The following CDH7 variants were observed in gnomAD, a reference collection of about 807,000 sequenced individuals.
CDH7 encodes cadherin-7.
Under a neutral mutation model 71.8 loss-of-function variants are expected in CDH7, and 25 were observed. The ratio of observed to expected loss-of-function variants is 0.35; its 90% CI spans 0.25 to 0.49. CDH7 has a LOEUF of 0.49. Among genes scored for constraint, CDH7 ranks in the 20% least tolerant of loss-of-function variants. The pLI is 0.99. For synonymous variants in CDH7, 381 were observed against 363.8 expected (o/e 1.05, Z -0.54); for missense variants, 862 against 974.6 (o/e 0.88, Z 1.54).
At chr18:65,791,574 G>T (rs908877236) in intron 2 of CDH7, among the ~76,000 whole-genome samples, 1 of 152,014 alleles carries the variant, frequency 6.6e-6, no homozygotes, top group South Asian at 2.1e-4. Context: ...TTCCACTCTG[G>T]GCCATTCTCT....
rs1599073411 is a variant in CDH7 at position 65,883,027 on chromosome 18, C to G, written c.*2133C>G. 6.6e-6 allele frequency: 1 copy of G among 152,206 alleles called. No individual in the cohort carries two copies. The highest frequency in any genetic ancestry group is 1.9e-4 in the East Asian group (1 of 5,178). 9.4% of individuals were successfully genotyped at this position (152,206 alleles called of 1,614,324 possible). On this transcript the variant is annotated 3_prime_UTR_variant, in exon 12 of 12. Coordinates refer to ENST00000397968, the MANE Select transcript of CDH7 (RefSeq NM_004361.5). The stretch of plus-strand genomic sequence containing the variant: ...GTGGATGTATTTTAGAAAAGGAACA[C>G]ACATCATTCACCCTGCTTTTTCTGC...
chr18:65,807,095 G>A (rs1251024831), intron 2 of CDH7, among the ~76,000 whole-genome samples: 1 of 151,896 alleles, frequency 6.6e-6, no homozygotes, highest in East Asian at 1.9e-4. Flanking sequence ...GAAACAGGAT[G>A]TGTGCGTGGG....
chr18:65,870,257 A>C (rs1318770906), intron 11 of CDH7, among the ~76,000 whole-genome samples: 1 of 152,154 alleles, frequency 6.6e-6, no homozygotes, highest in South Asian at 2.1e-4. Flanking sequence ...AAAGTAGTAG[A>C]GTTGGTCCAT....
chr18:65,776,523 C>T (rs999962227), intron 2 of CDH7, among the ~76,000 whole-genome samples: 5 of 152,064 alleles, frequency 3.3e-5, no homozygotes, highest in African/African-American at 1.2e-4. Context: ...GCAAGAGATT[C>T]TAGTGTCATT....
intron 2 of CDH7, among the ~76,000 whole-genome samples, chr18:65,771,288 A>G (rs990062022): frequency 1.3e-5 from 2 of 152,110 alleles, no homozygotes; most frequent in Non-Finnish European, 2.9e-5. Context: ...AATTGTTGAC[A>G]ATAATAATGT....
At chr18:65,751,631 G>C (rs1395515413) in intron 1 of CDH7, among the ~76,000 whole-genome samples, 1 of 152,176 alleles carries the variant, frequency 6.6e-6, no homozygotes, top group Non-Finnish European at 1.5e-5. Flanking sequence ...TGAACCATTC[G>C]CTCTGGACAC....
At chr18:65,872,145 G>A (rs778686868) in intron 11 of CDH7, among the ~76,000 whole-genome samples, 3 of 152,146 alleles carry the variant, frequency 2.0e-5, no homozygotes, top group Non-Finnish European at 2.9e-5. Flanking sequence ...TATTGAGTAA[G>A]TTCAAGATAG....
intron 6 of CDH7, among the ~76,000 whole-genome samples, chr18:65,834,211 C>T (rs1912453715): frequency 6.6e-6 from 1 of 152,158 alleles, no homozygotes; most frequent in African/African-American, 2.4e-5. Flanking sequence ...TAGCTGAATA[C>T]TTGCATTGTT....
At chr18:65,771,844 A>T (rs1289967806) in intron 2 of CDH7, among the ~76,000 whole-genome samples, 2 of 152,118 alleles carry the variant, frequency 1.3e-5, no homozygotes, top group Non-Finnish European at 2.9e-5. Context: ...ACATTGGGGG[A>T]AAACAAACCA....
At chr18:65,774,798 C>T (rs898014172) in intron 2 of CDH7, among the ~76,000 whole-genome samples, 18 of 152,030 alleles carry the variant, frequency 1.2e-4, no homozygotes, top group African/African-American at 4.3e-4. Flanking sequence ...ATATCACCAT[C>T]TCTCTAATTC....
chr18:65,787,199 A>G (rs1172522876), intron 2 of CDH7, among the ~76,000 whole-genome samples: 1 of 152,216 alleles, frequency 6.6e-6, no homozygotes, highest in Non-Finnish European at 1.5e-5. Context: ...ATATATATGT[A>G]GAAAGAGCTT....
In CDH7 at chr18:65,880,440, A is replaced by G. The variant is rs766349874; in HGVS notation, c.1904A>G (p.Lys635Arg). ...ATCGTCACTATGAGAAGACGGAAAA[A>G]AGAGCCCCTTATTTTTGACGAAGAA... Reference protein sequence around the residue: ...LLIVTMRRRKKEPLIFDEERD... With the variant: ...LLIVTMRRRKREPLIFDEERD... The change falls in exon 12 of 12, where the codon AAA becomes AGA. Residue 635 changes from lysine to arginine, a missense_variant. Coordinates refer to ENST00000397968, the MANE Select transcript of CDH7 (RefSeq NM_004361.5). 34 of 1,563,978 alleles carry G rather than the reference A, an allele frequency of 2.2e-5. No homozygotes were observed. The highest frequency in any genetic ancestry group is 2.8e-5 in the Non-Finnish European group (32 of 1,162,220).
chr18:65,804,332 G>A (rs1911234944), intron 2 of CDH7, among the ~76,000 whole-genome samples: 1 of 152,028 alleles, frequency 6.6e-6, no homozygotes, highest in Non-Finnish European at 1.5e-5. Context: ...TAAGCTTTAG[G>A]TAGTAAAGAT....
Position 65,880,994 on chromosome 18 carries a change from A to T in CDH7, c.*100A>T. The T allele has an allele frequency of 3.5e-6, 4 of 1,135,732 alleles. No homozygotes were observed. The highest frequency in any genetic ancestry group is 1.8e-5 in the South Asian group (1 of 55,166). 70.4% of individuals were successfully genotyped at this position (1,135,732 alleles called of 1,614,324 possible). ...AAACCACTACATACAGAAAACAAGA[A>T]CTCCCCTTGCTGGAGACAGATGGTT... is the stretch of plus-strand genomic sequence containing the variant. On this transcript the variant is annotated 3_prime_UTR_variant, in exon 12 of 12. Coordinates refer to ENST00000397968, the MANE Select transcript of CDH7 (RefSeq NM_004361.5).
At chr18:65,827,588 A>G (rs1388719087) in intron 6 of CDH7, among the ~76,000 whole-genome samples, 1 of 151,940 alleles carries the variant, frequency 6.6e-6, no homozygotes, top group African/African-American at 2.4e-5. Context: ...ATGAACAATA[A>G]TTTAGACTAA....
chr18:65,855,942 A>C (rs1215440790), intron 7 of CDH7, among the ~76,000 whole-genome samples: 1 of 152,158 alleles, frequency 6.6e-6, no homozygotes, highest in Non-Finnish European at 1.5e-5. Flanking sequence ...AAAGTTCATC[A>C]ATATAATGCA....
At position 65,887,416 on chromosome 18, in the gene CDH7, C is replaced by G. The variant is rs1417534100; in HGVS notation, c.*6522C>G. Reference sequence around the variant, plus strand: ...TATCTCCTAATTCTATCCCTCCCCCCTCCCCCTACCCCACAACAGTCCCTA... The same window carrying G: ...TATCTCCTAATTCTATCCCTCCCCCGTCCCCCTACCCCACAACAGTCCCTA... On this transcript the variant is annotated 3_prime_UTR_variant, in exon 12 of 12. Transcript: ENST00000397968. 1 of 142,938 alleles carries G rather than the reference C, an allele frequency of 7.0e-6. No homozygotes were observed. The highest frequency in any genetic ancestry group is 1.5e-5 in the Non-Finnish European group (1 of 65,674). 8.9% of individuals were successfully genotyped at this position (142,938 alleles called of 1,614,324 possible). A position where few individuals can be genotyped will look rare whatever the true frequency, so the allele number is the denominator to read the frequency against.
At chr18:65,874,354 T>G (rs1008995410) in intron 11 of CDH7, among the ~76,000 whole-genome samples, 1 of 152,234 alleles carries the variant, frequency 6.6e-6, no homozygotes, top group African/African-American at 2.4e-5. Flanking sequence ...GGATACCAGA[T>G]TCAACATTTT....
chr18:65,843,741 A>G, intron 6 of CDH7, 71 bp from the exon 7 acceptor site: 1 of 1,365,946 alleles, frequency 7.3e-7, no homozygotes, highest in Non-Finnish European at 9.7e-7. Flanking sequence ...ATTGACATTC[A>G]TAAATGAAAA....
Sources: allele counts gnomAD v4.1 joint callset (sites outside exome capture counted in the v4.1 genomes callset), GRCh38; gene constraint gnomAD v4.1.1; transcripts MANE v1.5; gene names NCBI Gene and HGNC (gene_info 2026-07-23, HGNC 2026-07-21).